B9D1: variants seen among roughly 807,000 people sequenced by gnomAD.
B9D1 encodes the protein B9 domain-containing protein 1.
In B9D1, 20 loss-of-function variants were observed where a neutral mutation model predicts 26.1. The ratio of observed to expected loss-of-function variants is 0.77; its 90% CI spans 0.54 to 1.12. The LOEUF is 1.12. B9D1 is among the 50% of genes most tolerant of loss of function. The probability of loss-of-function intolerance (pLI) is 0.00; values close to 1 mark genes in which losing one functional copy is unlikely to be tolerated. For missense variants in B9D1, 260 were observed against 273.7 expected, an observed-to-expected ratio of 0.95 and a Z score of 0.35; for synonymous variants, 105 against 103.1, an observed-to-expected ratio of 1.02 and a Z score of -0.11.
At chr17:19,377,425 G>T (rs1912192193) in intron 1 of B9D1, among the ~76,000 whole-genome samples, 1 of 152,190 alleles carries the variant, frequency 6.6e-6, no homozygotes, top group Admixed American at 6.5e-5. Context: ...TTATTGATAT[G>T]GAATGATCTT....
At chr17:19,343,059 G>A (rs1022331962), downstream of B9D1, 5 of 1,371,060 alleles carry the variant, frequency 3.6e-6, no homozygotes, top group South Asian at 1.7e-5. Context: ...CAGCTTCCAC[G>A]GCACAAGGGG....
chr17:19,348,895 G>A (rs1344581740), intron 3 of B9D1, among the ~76,000 whole-genome samples: 1 of 152,204 alleles, frequency 6.6e-6, no homozygotes, highest in Non-Finnish European at 1.5e-5. Context: ...GTGGGAATCT[G>A]TCACAATGAC....
At chr17:19,357,979 G>C (rs375799851) in intron 2 of B9D1, 28 bp from the exon 3 acceptor site, 107 of 1,579,498 alleles carry the variant, frequency 6.8e-5, no homozygotes, top group Middle Eastern at 5.0e-4. Flanking sequence ...CAGACGGCTG[G>C]ATTCAGAGCA....
At chr17:19,377,822 G>C in intron 1 of B9D1, 1 of 985,002 alleles carries the variant, frequency 1.0e-6, no homozygotes, top group Non-Finnish European at 1.2e-6. Flanking sequence ...CAAAGCACGG[G>C]AATCGCGGGA....
At chr17:19,377,862 G>C (rs1912229186) in exon 1 of B9D1, 3 of 985,326 alleles carry the variant, frequency 3.0e-6, no homozygotes, top group African/African-American at 3.5e-5. Flanking sequence ...AAGATACCTA[G>C]AAGCCAGGAA....
rs1406116798 is a variant in B9D1 at position 19,362,671 on chromosome 17, T to C, written c.-102A>G. 1.3e-6 allele frequency: 2 copies of C among 1,546,270 alleles called. No homozygotes were observed. The highest frequency in any genetic ancestry group is 2.4e-5 in the South Asian group (2 of 84,054). ...CAGACGGCGTAGCGCGCAGGACACG[T>C]TTCTTGGCAGCGACACCTTCGCGAA... is the stretch of plus-strand genomic sequence containing the variant. On this transcript the variant is annotated 5_prime_UTR_variant, in exon 1 of 7. Transcript: ENST00000261499.
downstream of B9D1, chr17:19,335,931 T>TGAAA (rs1308071963): frequency 1.3e-5 from 2 of 152,924 alleles, no homozygotes; most frequent in Admixed American, 1.3e-4. Flanking sequence ...TGGATGTTTC[T>TGAAA]GGCCCTTTTT....
intron 3 of B9D1, among the ~76,000 whole-genome samples, chr17:19,352,721 A>G (rs1909789368): frequency 6.6e-6 from 1 of 152,036 alleles, no homozygotes; most frequent in Non-Finnish European, 1.5e-5. Context: ...GGGTTTCTCC[A>G]TGTTGGCCAG....
Position 19,347,711 on chromosome 17 carries a change from T to G in B9D1, c.341+73A>C, listed in dbSNP as rs2152261648. On this transcript the variant is annotated intron_variant, in intron 4 of 6. Transcript: ENST00000261499. This position sits in a 1 kb window ranked among gnomAD's most constrained non-coding sequence, Gnocchi z 4.3. ...CCCCAGAGCATTCCCAGCCTGAACC[T>G]AAGACAGAAAACGAGGTGAAGTCTG... The G allele has an allele frequency of 1.4e-6, 2 of 1,469,246 alleles. No homozygotes were observed. The highest frequency in any genetic ancestry group is 1.2e-5 in the South Asian group (1 of 85,064). The allele number at this position is 1,469,246 out of a possible 1,614,324, so 91.0% of individuals were successfully genotyped here. A position where few individuals can be genotyped will look rare whatever the true frequency, so the allele number is the denominator to read the frequency against.
chr17:19,357,669 A>T (rs1910530335), intron 3 of B9D1, 171 bp downstream of exon 3: 2 of 666,436 alleles, frequency 3.0e-6, no homozygotes, highest in Non-Finnish European at 5.5e-6. Flanking sequence ...GGGGATGAGG[A>T]AGAAGAGGAG....
intron 1 of B9D1, among the ~76,000 whole-genome samples, chr17:19,373,395 A>C (rs1309021572): frequency 1.4e-5 from 2 of 145,960 alleles, no homozygotes; most frequent in African/African-American, 2.5e-5. Flanking sequence ...TCTTTTTTTT[A>C]CTTTTTTTTT....
chr17:19,343,457 G>A lies in B9D1; in HGVS notation c.477C>T (p.Thr159=), dbSNP rs868683895. The A allele has an allele frequency of 3.2e-5, 51 of 1,614,172 alleles. No homozygotes were observed. Among genetic ancestry groups the A allele is most frequent in the Non-Finnish European group, 4.3e-5 (51 of 1,180,012 alleles). The change falls in exon 7 of 7, where the codon ACC becomes ACT. Residue 159 remains threonine (T), a synonymous_variant. Coordinates refer to ENST00000261499, the MANE Select transcript of B9D1 (RefSeq NM_015681.6). ...VVAQGEGREV[T]RVRSQGFVTL... ...TGACAAAGCCCTGAGAACGGACACG[G>A]GTCACTGGGGACAGAAGGGCAGCAT...
rs200814060 is a variant in B9D1 at position 19,347,256 on chromosome 17, G to A, written c.404+13C>T. On this transcript the variant is annotated intron_variant, in intron 5 of 6. Transcript: ENST00000261499. This position sits in a 1 kb window ranked among gnomAD's most constrained non-coding sequence, Gnocchi z 4.3. Reference sequence around the variant, plus strand: ...AGATCAGGAGGGGCTGGGGTTATGGGTACAAAACTCACCTTGTAAACTTCT... The same window carrying A: ...AGATCAGGAGGGGCTGGGGTTATGGATACAAAACTCACCTTGTAAACTTCT... 17 of 1,614,224 alleles carry A rather than the reference G, an allele frequency of 1.1e-5. No homozygotes were observed. In the East Asian group the frequency reaches 3.8e-4, roughly 36 times the overall value.
At chr17:19,362,989 C>A, upstream of B9D1, 1 of 277,286 alleles carries the variant, frequency 3.6e-6, no homozygotes, top group South Asian at 3.2e-5. Flanking sequence ...CCGACTCACG[C>A]CCTCAGCAAG....
intron 1 of B9D1, 142 bp from the exon 2 acceptor site, chr17:19,360,530 G>T: frequency 1.3e-6 from 1 of 755,382 alleles, no homozygotes; most frequent in Admixed American, 2.0e-5. Context: ...GTGTTCAGAG[G>T]AGAGGCTGAG....
At chr17:19,343,066 G>A (rs1203592466), downstream of B9D1, 9 of 1,387,204 alleles carry the variant, frequency 6.5e-6, no homozygotes, top group Non-Finnish European at 7.5e-6. Context: ...CACGGCACAA[G>A]GGGTAGGGAC....
At chr17:19,369,189 T>G (rs749166796) in intron 1 of B9D1, among the ~76,000 whole-genome samples, 4 of 152,142 alleles carry the variant, frequency 2.6e-5, no homozygotes, top group Non-Finnish European at 5.9e-5. Flanking sequence ...GAGAAGACAT[T>G]GGAGCAAAGT....
Position 19,347,130 on chromosome 17 carries a change from G to C in B9D1, c.404+139C>G, listed in dbSNP as rs1356471069. On this transcript the variant is annotated intron_variant, in intron 5 of 6. Coordinates refer to ENST00000261499, the MANE Select transcript of B9D1 (RefSeq NM_015681.6). This position sits in a 1 kb window ranked among gnomAD's most constrained non-coding sequence, Gnocchi z 4.3. ...GCCCCGTGACTCAGCACTCCCAGGGGACCTGTTTCTATTTGTCCTCAGTGG... is the reference window on the plus strand; with the variant it reads ...GCCCCGTGACTCAGCACTCCCAGGGCACCTGTTTCTATTTGTCCTCAGTGG... 1.3e-6 allele frequency: 2 copies of C among 1,596,592 alleles called. No homozygotes were observed. Among genetic ancestry groups the C allele is most frequent in the Admixed American group, 3.6e-5 (2 of 56,138 alleles).
intron 3 of B9D1, among the ~76,000 whole-genome samples, chr17:19,351,869 C>T (rs986591470): frequency 7.9e-5 from 12 of 151,896 alleles, no homozygotes; most frequent in African/African-American, 2.9e-4. Flanking sequence ...TCATTCCTGC[C>T]ATTTCTGTCT....
Sources: allele counts gnomAD v4.1 joint callset (sites outside exome capture counted in the v4.1 genomes callset), GRCh38; gene constraint gnomAD v4.1.1; non-coding constraint Gnocchi (gnomAD v3.1); transcripts MANE v1.5; gene names NCBI Gene and HGNC (gene_info 2026-07-23, HGNC 2026-07-21).